The following GABRG3 variants were observed in gnomAD, a reference collection of about 807,000 sequenced individuals.
GABRG3 encodes gamma-aminobutyric acid type A receptor subunit gamma3.
Under a neutral mutation model 48.8 loss-of-function variants are expected in GABRG3, and 25 were observed. The ratio of observed to expected loss-of-function variants is 0.51; its 90% CI spans 0.37 to 0.72. The LOEUF (loss-of-function observed/expected upper bound fraction) is 0.72, where lower values mean the gene tolerates loss of function less well. Among genes scored for constraint, GABRG3 ranks in the 30% least tolerant of loss-of-function variants. The pLI is 0.00. For synonymous variants in GABRG3, 227 were observed against 217.6 expected (o/e 1.04, Z -0.38); for missense variants, 394 against 577.9 (o/e 0.68, Z 3.26).
chr15:27,379,270 A>C (rs1895692343), intron 5 of GABRG3, among the ~76,000 whole-genome samples: 1 of 152,182 alleles, frequency 6.6e-6, no homozygotes, highest in African/African-American at 2.4e-5. Context: ...ATATACAGTG[A>C]CAACTAATCC....
chr15:27,176,926 A>C (rs1887764473), intron 3 of GABRG3, among the ~76,000 whole-genome samples: 3 of 152,182 alleles, frequency 2.0e-5, no homozygotes, highest in Admixed American at 2.0e-4. Context: ...ACCACCCGAC[A>C]GTTTCTTGCC....
At chr15:26,988,563 A>G (rs1047528082) in intron 2 of GABRG3, among the ~76,000 whole-genome samples, 2 of 152,122 alleles carry the variant, frequency 1.3e-5, no homozygotes, top group Non-Finnish European at 2.9e-5. Context: ...GATGACATAT[A>G]GGTGAATCTT....
chr15:26,971,570 T>A lies in GABRG3; in HGVS notation c.35T>A (p.Phe12Tyr). ...APKLLLLLCL[F>Y]SGLHARSRKV... Reference sequence around the variant, plus strand: ...AAGCTGCTGCTCCTCCTCTGCCTGTTCTCGGGCTTGCACGCGCGGTAAGTG... The same window carrying A: ...AAGCTGCTGCTCCTCCTCTGCCTGTACTCGGGCTTGCACGCGCGGTAAGTG... Residue 12 changes from phenylalanine to tyrosine, a missense_variant, in exon 1 of 10, where the codon TTC becomes TAC. Transcript: ENST00000615808. The A allele has an allele frequency of 3.3e-6, 5 of 1,530,430 alleles. No individual in the cohort carries two copies. The highest frequency in any genetic ancestry group is 4.4e-6 in the Non-Finnish European group (5 of 1,139,258). The allele number at this position is 1,530,430 out of a possible 1,614,324, so 94.8% of individuals were successfully genotyped here. A position where few individuals can be genotyped will look rare whatever the true frequency, so the allele number is the denominator to read the frequency against.
intron 3 of GABRG3, among the ~76,000 whole-genome samples, chr15:27,263,348 A>G (rs1459106466): frequency 6.6e-6 from 1 of 152,120 alleles, no homozygotes; most frequent in Admixed American, 6.5e-5. Flanking sequence ...AACCTGCAAT[A>G]TGTAATGCTG....
At chr15:27,320,621 T>G (rs1300504220) in intron 3 of GABRG3, among the ~76,000 whole-genome samples, 1 of 152,116 alleles carries the variant, frequency 6.6e-6, no homozygotes, top group Non-Finnish European at 1.5e-5. Context: ...ATATTCTGAG[T>G]CTTGCTCCTA....
intron 3 of GABRG3, among the ~76,000 whole-genome samples, chr15:27,136,059 G>C (rs999612558): frequency 6.6e-6 from 1 of 152,190 alleles, no homozygotes; most frequent in African/African-American, 2.4e-5. Flanking sequence ...ACAGCACCAC[G>C]AGGGGTGGCA....
chr15:27,107,642 A>G (rs1234944806), intron 3 of GABRG3, among the ~76,000 whole-genome samples: 1 of 152,040 alleles, frequency 6.6e-6, no homozygotes, highest in African/African-American at 2.4e-5. Context: ...GATGTTTGAT[A>G]GAATTTGCCA....
chr15:27,099,131 T>C (rs566211447), intron 3 of GABRG3, among the ~76,000 whole-genome samples: 1 of 152,294 alleles, frequency 6.6e-6, no homozygotes, highest in East Asian at 1.9e-4. Flanking sequence ...GGGCAAAATA[T>C]GTAGTATGCA....
rs573049492 is a variant in GABRG3, at chr15:27,395,690, G to GAT, written c.574+66806_574+66807dup. On this transcript the variant is annotated intron_variant, in intron 5 of 9. Transcript: ENST00000615808. ...CATCCATAATAAAAAAATGAACCTA[G>GAT]ATATACACCTAGCACCTTACACAAG... Among the ~76,000 whole-genome samples, 186 of 152,200 alleles carry GAT rather than the reference G, an allele frequency of 1.2e-3. 1 individual carries two copies. The highest frequency in any genetic ancestry group is 4.3e-3 in the African/African-American group (179 of 41,536).
At chr15:27,325,439 C>T (rs1893580822) in intron 3 of GABRG3, among the ~76,000 whole-genome samples, 3 of 152,312 alleles carry the variant, frequency 2.0e-5, no homozygotes, top group South Asian at 4.1e-4. Flanking sequence ...CTGCTCCCAG[C>T]TGTTGCTTTC....
rs181322636 is a variant in GABRG3, at chr15:27,010,067, C to G, written c.203-16687C>G. ...TCAAGTGATCCTTCCACCTCAGCCT[C>G]CCAAGTAGCTGGAGCTACAGGCACA... On this transcript the variant is annotated intron_variant, in intron 2 of 9. Coordinates refer to ENST00000615808, the MANE Select transcript of GABRG3 (RefSeq NM_033223.5). 2.4e-3 allele frequency among the ~76,000 whole-genome samples: 363 copies of G among 152,322 alleles called. 1 individual carries two copies. Among genetic ancestry groups the G allele is most frequent in the Middle Eastern group, 0.014 (4 of 294 alleles).
intron 5 of GABRG3, among the ~76,000 whole-genome samples, chr15:27,350,725 G>A (rs987711992): frequency 4.6e-5 from 7 of 152,162 alleles, no homozygotes; most frequent in African/African-American, 1.7e-4. Context: ...CAGAGCCATG[G>A]GGGAGGAAGA....
chr15:27,281,999 G>C (rs1178650212), intron 3 of GABRG3, among the ~76,000 whole-genome samples: 2 of 152,110 alleles, frequency 1.3e-5, no homozygotes, highest in African/African-American at 4.8e-5. Flanking sequence ...GCTGTGCACA[G>C]AATTCTGGGT....
chr15:27,343,204 C>A (rs957774523), intron 5 of GABRG3, among the ~76,000 whole-genome samples: 93 of 152,136 alleles, frequency 6.1e-4, no homozygotes, highest in African/African-American at 2.1e-3. Flanking sequence ...GCCAGCACCT[C>A]CCCCACGTGG....
At chr15:27,393,587 C>G (rs1189860641) in intron 5 of GABRG3, among the ~76,000 whole-genome samples, 2 of 152,138 alleles carry the variant, frequency 1.3e-5, no homozygotes, top group Non-Finnish European at 2.9e-5. Context: ...AGCCTCCTCC[C>G]TTGTTTATCT....
At chr15:27,221,095 G>A (rs1256423968) in intron 3 of GABRG3, among the ~76,000 whole-genome samples, 2 of 152,086 alleles carry the variant, frequency 1.3e-5, no homozygotes, top group Middle Eastern at 3.4e-3. Flanking sequence ...TTAATTAAGG[G>A]GAGTCAGAAC....
chr15:27,088,535 G>A (rs2140752218), intron 3 of GABRG3, among the ~76,000 whole-genome samples: 1 of 152,226 alleles, frequency 6.6e-6, no homozygotes, highest in African/African-American at 2.4e-5. Flanking sequence ...TCTGAGACTG[G>A]GCAACTTTTG....
intron 3 of GABRG3, among the ~76,000 whole-genome samples, chr15:27,306,565 CATATATGTTTATATATAAACATATAA>C (rs1892474403): frequency 6.9e-5 from 3 of 43,708 alleles, no homozygotes; most frequent in Non-Finnish European, 2.8e-4. Context: ...ATAATATAAA[CATATATGTTTATATATAAACATATAA>C]TATAAACATA....
At chr15:27,296,857 T>G (rs1350961289) in intron 3 of GABRG3, among the ~76,000 whole-genome samples, 3 of 152,104 alleles carry the variant, frequency 2.0e-5, no homozygotes, top group Non-Finnish European at 4.4e-5. Flanking sequence ...ACTTTTTTTT[T>G]TTTTTAATTT....
Sources: allele counts gnomAD v4.1 joint callset (sites outside exome capture counted in the v4.1 genomes callset), GRCh38; gene constraint gnomAD v4.1.1; transcripts MANE v1.5; gene names NCBI Gene and HGNC (gene_info 2026-07-23, HGNC 2026-07-21).